CCNY: variants seen among roughly 807,000 people sequenced by gnomAD.
CCNY encodes the protein cyclin Y, also known as cyclin-Y.
CCNY carries 19 observed loss-of-function variants against 42.8 expected under a neutral mutation model. The observed-to-expected ratio is 0.44, with a 90% confidence interval of 0.31 to 0.65. CCNY has a LOEUF of 0.65. Among genes scored for constraint, CCNY ranks in the 30% least tolerant of loss-of-function variants. The probability of loss-of-function intolerance (pLI) is 0.07; values close to 1 mark genes in which losing one functional copy is unlikely to be tolerated. For synonymous variants in CCNY, 165 were observed against 162.7 expected (o/e 1.01, Z -0.11); for missense variants, 370 against 437.3 (o/e 0.85, Z 1.37).
At chr10:35,396,335 C>T (rs1176068666) in intron 1 of CCNY, among the ~76,000 whole-genome samples, 1 of 152,230 alleles carries the variant, frequency 6.6e-6, no homozygotes, top group Non-Finnish European at 1.5e-5. Flanking sequence ...GACAGGCCGA[C>T]TGGAGTTTCA....
At chr10:35,251,707 A>G (rs1185346249) in intron 3 of CCNY, among the ~76,000 whole-genome samples, 1 of 150,652 alleles carries the variant, frequency 6.6e-6, no homozygotes, top group Non-Finnish European at 1.5e-5. Context: ...TCCCACCTCA[A>G]CCTCTCGAGT....
chr10:35,555,292 G>A (rs1042234606), intron 8 of CCNY, among the ~76,000 whole-genome samples: 5 of 152,122 alleles, frequency 3.3e-5, no homozygotes, highest in African/African-American at 1.2e-4. Context: ...ATGTGTACTG[G>A]TCCTCAGTTA....
chr10:35,543,190 A>G (rs1324378286), intron 7 of CCNY, among the ~76,000 whole-genome samples: 3 of 152,202 alleles, frequency 2.0e-5, no homozygotes, highest in Admixed American at 6.5e-5. Context: ...GGAGTCCCCA[A>G]GACCACCTCA....
chr10:35,298,006 GA>G (rs56705492), intron 3 of CCNY, among the ~76,000 whole-genome samples: 1,609 of 128,840 alleles, frequency 0.012, 29 homozygotes, highest in African/African-American at 0.04. Context: ...AAGTTCTTAT[GA>G]AAAAAAAAAA....
intron 2 of CCNY, among the ~76,000 whole-genome samples, chr10:35,483,685 C>A (rs1039379359): frequency 6.6e-6 from 1 of 152,172 alleles, no homozygotes; most frequent in African/African-American, 2.4e-5. Flanking sequence ...CATCTATCCT[C>A]ATTTTGTCAA....
intron 3 of CCNY, among the ~76,000 whole-genome samples, chr10:35,326,691 G>A (rs1001468750): frequency 1.3e-5 from 2 of 152,062 alleles, no homozygotes; most frequent in Non-Finnish European, 2.9e-5. Flanking sequence ...TTTGAGACCA[G>A]CCTGGGCAAC....
At position 35,497,944 on chromosome 10, in the gene CCNY, C is replaced by G. The variant is rs570420271; in HGVS notation, c.230-3557C>G. Among the ~76,000 whole-genome samples, 270 of 152,182 alleles carry G rather than the reference C, an allele frequency of 1.8e-3. 1 individual carries two copies. Among genetic ancestry groups the G allele is most frequent in the African/African-American group, 6.4e-3 (265 of 41,512 alleles). ...CATCTCCCTCTGCCGTGTTTCTCTG[C>G]ATGGCAGAGGGACACCACTGCTTTA... On this transcript the variant is annotated intron_variant, in intron 2 of 9. Coordinates refer to ENST00000374704, the MANE Select transcript of CCNY (RefSeq NM_145012.6).
chr10:35,551,294 TAAAAAACAAAACAAAACAAA>T (rs1027964892), intron 7 of CCNY, among the ~76,000 whole-genome samples: 3 of 152,212 alleles, frequency 2.0e-5, no homozygotes, highest in Admixed American at 6.5e-5. Context: ...TTCCTTTTCT[TAAAAAACAAAACAAAACAAA>T]AAACCTTTCC....
Position 35,483,125 on chromosome 10 carries a change from A to G in CCNY, c.155-279A>G, listed in dbSNP as rs542375994. The stretch of plus-strand genomic sequence containing the variant: ...CCATAACTCTGTCCTGCTATTTTAT[A>G]GTATATTGGGTGCAGAGCAGAATTT... On this transcript the variant is annotated intron_variant, in intron 1 of 9. Transcript: ENST00000374704. 2.6e-5 allele frequency among the ~76,000 whole-genome samples: 4 copies of G among 152,310 alleles called. No homozygotes were observed. The South Asian group carries it at 8.3e-4, about 32-fold the overall frequency.
intron 1 of CCNY, among the ~76,000 whole-genome samples, chr10:35,476,099 T>G (rs988607987): frequency 6.6e-6 from 1 of 152,128 alleles, no homozygotes; most frequent in African/African-American, 2.4e-5. Context: ...CCTAAATATA[T>G]ATGCACCCAA....
chr10:35,353,534 C>T (rs995675245), intron 1 of CCNY, among the ~76,000 whole-genome samples: 2 of 152,152 alleles, frequency 1.3e-5, no homozygotes, highest in African/African-American at 2.4e-5. Context: ...CATCAAGGAC[C>T]TCATACTGTA....
intron 5 of CCNY, among the ~76,000 whole-genome samples, chr10:35,526,641 A>G (rs986902561): frequency 6.6e-6 from 1 of 151,824 alleles, no homozygotes; most frequent in Admixed American, 6.6e-5. Context: ...TTCATAAGCC[A>G]CAGCTATCAT....
At chr10:35,563,701 T>C (rs1431769054) in intron 8 of CCNY, among the ~76,000 whole-genome samples, 1 of 152,078 alleles carries the variant, frequency 6.6e-6, no homozygotes, top group Non-Finnish European at 1.5e-5. Context: ...TCAAAGTAAA[T>C]TATTATTTAT....
At chr10:35,497,448 C>G (rs1840023698) in intron 2 of CCNY, among the ~76,000 whole-genome samples, 1 of 152,136 alleles carries the variant, frequency 6.6e-6, no homozygotes, top group Non-Finnish European at 1.5e-5. Flanking sequence ...GTAAAATATT[C>G]TGCTTATCAC....
intron 1 of CCNY, among the ~76,000 whole-genome samples, chr10:35,436,000 G>A (rs1397949552): frequency 2.0e-5 from 3 of 152,186 alleles, no homozygotes; most frequent in African/African-American, 7.2e-5. Context: ...AGGAAGTTCG[G>A]TTATGAAAGA....
At chr10:35,391,768 A>G (rs1358769596) in intron 1 of CCNY, among the ~76,000 whole-genome samples, 1 of 152,164 alleles carries the variant, frequency 6.6e-6, no homozygotes, top group African/African-American at 2.4e-5. Flanking sequence ...AGTCAGTGGT[A>G]GACATAACTG....
chr10:35,365,940 A>G (rs1197540848), intron 1 of CCNY, among the ~76,000 whole-genome samples: 4 of 152,214 alleles, frequency 2.6e-5, no homozygotes, highest in Non-Finnish European at 4.4e-5. Flanking sequence ...GTGTCTAGGG[A>G]ATGGACAGAG....
At chr10:35,347,389 C>T in intron 1 of CCNY, 3 of 964,136 alleles carry the variant, frequency 3.1e-6, no homozygotes, top group Non-Finnish European at 3.7e-6. Context: ...ATGCAAGTCA[C>T]TTCTATTTTG....
At chr10:35,270,428 A>C (rs1317429069) in intron 3 of CCNY, among the ~76,000 whole-genome samples, 1 of 152,248 alleles carries the variant, frequency 6.6e-6, no homozygotes, top group Non-Finnish European at 1.5e-5. Flanking sequence ...TGTGTCCTCC[A>C]TGACTCACAT....
Sources: allele counts gnomAD v4.1 joint callset (sites outside exome capture counted in the v4.1 genomes callset), GRCh38; gene constraint gnomAD v4.1.1; transcripts MANE v1.5; gene names NCBI Gene and HGNC (gene_info 2026-07-23, HGNC 2026-07-21).